Variants in ATPAF2 observed in about 807,000 individuals in gnomAD.
The protein encoded by ATPAF2 is ATP12 homolog.
ATPAF2 carries 30 observed loss-of-function variants against 36.6 expected under a neutral mutation model. The observed-to-expected ratio is 0.82, with a 90% CI of 0.61 to 1.11. The LOEUF is 1.11. Ranked by LOEUF, ATPAF2 falls within the 50% of genes most tolerant of loss-of-function variation. The probability of loss-of-function intolerance (pLI) is 0.00; values close to 1 mark genes in which losing one functional copy is unlikely to be tolerated. For missense variants in ATPAF2, 321 were observed against 372.3 expected (o/e 0.86, Z 1.13); for synonymous variants, 140 against 152.6 (o/e 0.92, Z 0.61).
intron 1 of ATPAF2, among the ~76,000 whole-genome samples, chr17:18,029,816 C>A (rs1207998445): frequency 3.4e-5 from 5 of 148,724 alleles, no homozygotes; most frequent in Non-Finnish European, 7.4e-5. Context: ...GTCTCGAACT[C>A]CTGACCTCAA....
downstream of ATPAF2, chr17:18,015,890 TCA>T (rs897643657): frequency 1.6e-5 from 11 of 671,358 alleles, no homozygotes; most frequent in African/African-American, 2.0e-4. Context: ...GAAGCGGCTG[TCA>T]CAGATGAATT....
chr17:18,039,071 C>T lies in ATPAF2; in HGVS notation c.-58G>A. On this transcript the variant is annotated 5_prime_UTR_variant, in exon 1 of 8. Coordinates refer to ENST00000474627, the MANE Select transcript of ATPAF2 (RefSeq NM_145691.4). This position sits in a 1 kb window ranked among gnomAD's most constrained non-coding sequence, Gnocchi z 5.3. ...GAAACCTGGAGCAGGAAACACAGAG[C>T]GATGGGATCCCCAAAGCCGCACGGT... 5 of 1,551,506 alleles carry T rather than the reference C, an allele frequency of 3.2e-6. No individual in the cohort carries two copies. The highest frequency in any genetic ancestry group is 1.7e-4 in the Middle Eastern group (1 of 5,996).
chr17:18,028,086 G>A (rs1260837292), intron 3 of ATPAF2, 146 bp downstream of exon 3: 11 of 927,162 alleles, frequency 1.2e-5, no homozygotes, highest in Admixed American at 3.5e-5. Context: ...AGTTTAGCAC[G>A]TTAGTGACTT....
Position 18,021,857 on chromosome 17 carries a change from T to C in ATPAF2, c.504A>G (p.Arg168=), listed in dbSNP as rs1008083351. 10 of 1,613,684 alleles carry C rather than the reference T, an allele frequency of 6.2e-6. No individual in the cohort carries two copies. The East Asian group carries it at 2.0e-4, about 32-fold the overall frequency. The change falls in exon 6 of 8, where the codon AGA becomes AGG. Residue 168 remains arginine, a splice_region_variant and synonymous_variant. Transcript: ENST00000474627. ...WDPIIEWAEK[R]YGVEISSSTS... is the part of the protein sequence containing the mutation. ...TGGAGGAGCTGATCTCCACGCCGTA[T>C]CTGAAAGGAAAAGGGCTTCGGCATG...
chr17:18,026,363 C>A lies in ATPAF2; in HGVS notation c.378G>T (p.Gln126His). Residue 126 changes from glutamine (Q) to histidine (H), a missense_variant, in exon 4 of 8, where the codon CAG (glutamine) becomes CAT (histidine). Physicochemically the swap from Gln to His is conservative, Grantham distance 24. Transcript: ENST00000474627. The part of the protein sequence containing the change: ...LDNPTQRNKD[Q>H]LIRAAVKFLD... The stretch of plus-strand genomic sequence containing the variant: ...GAAACTTCACGGCTGCCCGGATCAG[C>A]TGATCCTTGTTTCTCTGGGTTGGGT... 6.2e-7 allele frequency: 1 copy of A among 1,614,252 alleles called. No individual in the cohort carries two copies. Among genetic ancestry groups the A allele is most frequent in the African/African-American group, 1.3e-5 (1 of 75,066 alleles).
At position 18,027,963 on chromosome 17, in the gene ATPAF2, A is replaced by G. The variant is rs2044572063; in HGVS notation, c.324+269T>C. ...CAGCTGCTGTCATAGAAAATAAGAG[A>G]GCTGGGCAGTCAATGAAGGTGACAT... On this transcript the variant is annotated intron_variant, in intron 3 of 7. Coordinates refer to ENST00000474627, the MANE Select transcript of ATPAF2 (RefSeq NM_145691.4). The G allele has an allele frequency of 7.9e-6, 4 of 507,882 alleles. No homozygotes were observed. The South Asian group carries it at 8.7e-5, about 11-fold the overall frequency. 31.5% of individuals were successfully genotyped at this position (507,882 alleles called of 1,614,324 possible). A position where few individuals can be genotyped will look rare whatever the true frequency, so the allele number is the denominator to read the frequency against.
In ATPAF2 at chr17:18,038,942, G is replaced by T; in HGVS notation, c.72C>A (p.Ser24Arg). The part of the protein sequence containing the change: ...RLLNRPAGGP[S>R]ASMSPGPTIP... ...TGGTTGGCCCCGGACTCATAGAAGC[G>T]CTGGGGCCACCCGCCGGCCGATTCA... Residue 24 changes from serine (S) to arginine (R), a missense_variant, in exon 1 of 8, where the codon AGC (serine) becomes AGA (arginine). Physicochemically the swap from Ser to Arg is moderately radical, Grantham distance 110. Transcript: ENST00000474627. 1 of 1,600,990 alleles carries T rather than the reference G, an allele frequency of 6.2e-7. No homozygotes were observed. The highest frequency in any genetic ancestry group is 2.3e-5 in the East Asian group (1 of 43,768).
chr17:18,018,652 T>C lies in ATPAF2; in HGVS notation c.767A>G (p.Asp256Gly). Reference sequence around the variant, plus strand: ...GGCCCGCAGCTCCTGCAGCTCATAGTCATGGGCCCACTCAATGTTGCCCCA... The same window carrying C: ...GGCCCGCAGCTCCTGCAGCTCATAGCCATGGGCCCACTCAATGTTGCCCCA... ...QKWGNIEWAH[D>G]YELQELRART... Residue 256 changes from aspartate (D) to glycine (G), a missense_variant, in exon 8 of 8, where the codon GAC becomes GGC. Asp to Gly is a moderately conservative substitution (Grantham distance 94). Transcript: ENST00000474627. 2 of 1,614,012 alleles carry C rather than the reference T, an allele frequency of 1.2e-6. No homozygotes were observed. The highest frequency in any genetic ancestry group is 1.1e-5 in the South Asian group (1 of 91,080).
chr17:18,016,740 C>T (rs1026199867), downstream of ATPAF2: 14 of 922,584 alleles, frequency 1.5e-5, no homozygotes, highest in East Asian at 2.5e-5. Context: ...GAAGTGCACA[C>T]GCCTCACCCG....
intron 1 of ATPAF2, among the ~76,000 whole-genome samples, chr17:18,030,513 G>GAAAA (rs747636000): frequency 2.6e-5 from 2 of 77,560 alleles, no homozygotes; most frequent in Non-Finnish European, 2.6e-5. Context: ...GTCTCTTGGG[G>GAAAA]AAAAAAAAAA....
chr17:18,025,868 T>C (rs2145497252), intron 4 of ATPAF2, among the ~76,000 whole-genome samples: 1 of 152,320 alleles, frequency 6.6e-6, no homozygotes, highest in South Asian at 2.1e-4. Context: ...GTTTCTCAAC[T>C]TTCCTTTGGC....
At chr17:18,016,786 G>A (rs377086859), downstream of ATPAF2, 165 of 574,906 alleles carry the variant, frequency 2.9e-4, 1 homozygote, top group South Asian at 2.9e-3. Flanking sequence ...TCTCAACCGC[G>A]ATCCCCAACA....
intron 7 of ATPAF2, among the ~76,000 whole-genome samples, chr17:18,019,268 G>GC (rs1182992293): frequency 6.6e-6 from 1 of 151,282 alleles, no homozygotes; most frequent in African/African-American, 2.5e-5. Context: ...TGCAGTCCAG[G>GC]CCCAGGCCCA....
At chr17:18,022,961 T>G (rs2145491276) in intron 5 of ATPAF2, among the ~76,000 whole-genome samples, 1 of 151,484 alleles carries the variant, frequency 6.6e-6, no homozygotes, top group Non-Finnish European at 1.5e-5. Context: ...CCGTCTCTAC[T>G]AAAAATACAA....
intron 5 of ATPAF2, among the ~76,000 whole-genome samples, chr17:18,023,106 G>A (rs1483763453): frequency 1.4e-5 from 2 of 147,696 alleles, no homozygotes; most frequent in African/African-American, 5.0e-5. Context: ...TCCAGCCTGG[G>A]TGACAGAGCG....
intron 1 of ATPAF2, among the ~76,000 whole-genome samples, chr17:18,031,255 G>A (rs934356786): frequency 3.3e-5 from 5 of 151,776 alleles, no homozygotes; most frequent in Admixed American, 1.3e-4. Context: ...GATTACAGGC[G>A]TGAGCCACTG....
chr17:18,034,850 G>C (rs1161705956), intron 1 of ATPAF2, among the ~76,000 whole-genome samples: 1 of 152,178 alleles, frequency 6.6e-6, no homozygotes, highest in Non-Finnish European at 1.5e-5. Context: ...TGGATGAATG[G>C]ATAAGTAAAA....
At chr17:18,022,594 CTTTTT>C (rs34473758) in intron 5 of ATPAF2, among the ~76,000 whole-genome samples, 3 of 121,394 alleles carry the variant, frequency 2.5e-5, no homozygotes, top group Admixed American at 8.3e-5. Flanking sequence ...TTTTTTCAAA[CTTTTT>C]TTTTTTTTTT....
downstream of ATPAF2, chr17:18,015,501 T>C (rs1222427376): frequency 6.5e-6 from 1 of 152,836 alleles, no homozygotes; most frequent in East Asian, 1.9e-4. Context: ...CTAACAACTT[T>C]TTACAAGACA....
Sources: allele counts gnomAD v4.1 joint callset (sites outside exome capture counted in the v4.1 genomes callset), GRCh38; gene constraint gnomAD v4.1.1; non-coding constraint Gnocchi (gnomAD v3.1); transcripts MANE v1.5; gene names NCBI Gene and HGNC (gene_info 2026-07-23, HGNC 2026-07-21).